The following PCSK5 variants were observed in gnomAD, a reference collection of about 807,000 sequenced individuals.
PCSK5 encodes the protein proprotein convertase subtilisin/kexin type 5.
A neutral mutation model predicts 233.2 loss-of-function variants in PCSK5; 129 were observed. The ratio of observed to expected loss-of-function variants is 0.55; its 90% confidence interval spans 0.48 to 0.64. The LOEUF (loss-of-function observed/expected upper bound fraction) is 0.64, where lower values mean the gene tolerates loss of function less well. PCSK5 is among the 30% of genes least tolerant of loss of function. The pLI, the probability that PCSK5 is intolerant of heterozygous loss-of-function variation, is 0.00. For synonymous variants in PCSK5, 825 were observed against 879.2 expected (o/e 0.94, Z 1.09); for missense variants, 2,076 against 2,430.1 (o/e 0.85, Z 3.06).
intron 6 of PCSK5, among the ~76,000 whole-genome samples, chr9:76,068,449 T>G (rs1191383835): frequency 6.6e-6 from 1 of 152,166 alleles, no homozygotes; most frequent in African/African-American, 2.4e-5. Context: ...CCTGGTTTTT[T>G]GTTTTTGTTT....
intron 5 of PCSK5, among the ~76,000 whole-genome samples, chr9:76,042,553 G>A (rs116712167): frequency 0.014 from 2,157 of 152,294 alleles, 54 homozygotes; most frequent in African/African-American, 0.049. Context: ...TACTAGGGGG[G>A]GCTGAGGTGG....
At position 76,180,104 on chromosome 9, in the gene PCSK5, T is replaced by TAC. The variant is rs1554701032; in HGVS notation, c.2003+418_2003+419dup. On this transcript the variant is annotated intron_variant, in intron 15 of 37. Transcript: ENST00000674117. ...GTGTGTGTGTATATATATATATATATACACACACACACATATACATACGTA... is the reference window on the plus strand; with the variant it reads ...GTGTGTGTGTATATATATATATATATACACACACACACACATATACATACGTA... Among the ~76,000 whole-genome samples the TAC allele has an allele frequency of 0.014, 2,024 of 144,892 alleles. 186 individuals are homozygous for TAC. The East Asian group carries it at 0.23, about 17-fold the overall frequency.
At chr9:76,103,249 C>T (rs62558855) in intron 8 of PCSK5, among the ~76,000 whole-genome samples, 5,374 of 152,244 alleles carry the variant, frequency 0.035, 152 homozygotes, top group Non-Finnish European at 0.056. Flanking sequence ...GCTTTCTTGG[C>T]ACAATTCTAG....
chr9:75,961,166 G>T (rs934097246), intron 2 of PCSK5, among the ~76,000 whole-genome samples: 1 of 152,168 alleles, frequency 6.6e-6, no homozygotes, highest in South Asian at 2.1e-4. Context: ...TGAAGTCCAG[G>T]TCACTGCATC....
rs747144896 is a variant in PCSK5, at chr9:76,096,178, C to CAT, written c.1107+88_1107+89dup. On this transcript the variant is annotated intron_variant, in intron 8 of 37. Coordinates refer to ENST00000674117, the MANE Select transcript of PCSK5 (RefSeq NM_001372043.1). ...TGAAATACAAAGGGAGAACCATAAA[C>CAT]ATATATATATATACACACACACACA... 4.1e-3 allele frequency: 2,892 copies of CAT among 699,958 alleles called. 27 individuals carry two copies. Among genetic ancestry groups the CAT allele is most frequent in the African/African-American group, 0.037 (1,951 of 52,528 alleles). The allele number at this position is 699,958 out of a possible 1,614,324, so 43.4% of individuals were successfully genotyped here.
intron 24 of PCSK5, among the ~76,000 whole-genome samples, chr9:76,274,257 T>A (rs1216516969): frequency 6.6e-6 from 1 of 152,152 alleles, no homozygotes; most frequent in African/African-American, 2.4e-5. Flanking sequence ...AATTTTTATG[T>A]CTATCACTTA....
intron 37 of PCSK5, among the ~76,000 whole-genome samples, chr9:76,355,615 T>C (rs1830281269): frequency 6.6e-6 from 1 of 152,274 alleles, no homozygotes; most frequent in African/African-American, 2.4e-5. Context: ...GGTCTATTTG[T>C]AAGTAAAGAA....
At chr9:76,281,299 C>T (rs1827855187) in intron 24 of PCSK5, among the ~76,000 whole-genome samples, 1 of 152,218 alleles carries the variant, frequency 6.6e-6, no homozygotes, top group Non-Finnish European at 1.5e-5. Context: ...CAGGCTGACT[C>T]TCTTATTAGG....
At chr9:76,169,913 T>C (rs971280393) in intron 13 of PCSK5, 73 bp downstream of exon 13, 1 of 1,232,114 alleles carries the variant, frequency 8.1e-7, no homozygotes, top group Non-Finnish European at 1.2e-6. Context: ...GCCAGAGTGT[T>C]TCACACTCAC....
chr9:76,179,245 T>C (rs1206635280), intron 14 of PCSK5, among the ~76,000 whole-genome samples: 11 of 152,210 alleles, frequency 7.2e-5, no homozygotes, highest in Non-Finnish European at 1.5e-4. Flanking sequence ...ATCCAATCTT[T>C]TTACTATTAC....
In PCSK5 at chr9:76,323,253, G is replaced by A; in HGVS notation, c.4304G>A (p.Gly1435Glu). ...DGLCLEECPA[G>E]TYYEKETKEC... ...CTGTGCTTGGAGGAGTGTCCAGCAG[G>A]AACCTATTATGAAAAGGAGACTAAG... The change falls in exon 32 of 38, where the codon GGA (glycine) becomes GAA (glutamate). Residue 1435 changes from glycine to glutamate, a missense_variant. Transcript: ENST00000674117. 1 of 1,611,550 alleles carries A rather than the reference G, an allele frequency of 6.2e-7. No individual in the cohort carries two copies. The highest frequency in any genetic ancestry group is 2.2e-5 in the East Asian group (1 of 44,886).
chr9:76,036,250 G>A (rs1266157079), intron 5 of PCSK5, among the ~76,000 whole-genome samples: 1 of 152,130 alleles, frequency 6.6e-6, no homozygotes, highest in African/African-American at 2.4e-5. Context: ...AAGTATTTGT[G>A]TATGTGTATT....
At position 75,920,344 on chromosome 9, in the gene PCSK5, G is replaced by T. The variant is rs564427475; in HGVS notation, c.193-12035G>T. On this transcript the variant is annotated intron_variant, in intron 1 of 37. Transcript: ENST00000674117. ...GGGTCTCTATCACCCAGGCTGGAGT[G>T]CTGTGGTGATCAGAGCTCAATGCAG... 2.0e-4 allele frequency among the ~76,000 whole-genome samples: 30 copies of T among 152,216 alleles called. No individual in the cohort carries two copies. In the South Asian group the frequency reaches 5.2e-3, roughly 26 times the overall value.
intron 2 of PCSK5, among the ~76,000 whole-genome samples, chr9:75,952,173 CT>C (rs1462785929): frequency 5.3e-5 from 8 of 152,166 alleles, no homozygotes; most frequent in African/African-American, 1.7e-4. Flanking sequence ...CCACTTCCCC[CT>C]AAATACTTCA....
intron 7 of PCSK5, among the ~76,000 whole-genome samples, chr9:76,076,034 G>A (rs940523508): frequency 8.5e-5 from 13 of 152,214 alleles, no homozygotes; most frequent in African/African-American, 3.1e-4. Flanking sequence ...CTGAGGGAAA[G>A]CACAGCTGCC....
In PCSK5 at chr9:76,038,166, T is replaced by C. The variant is rs1828941901; in HGVS notation, c.632+11129T>C. 5.3e-5 allele frequency among the ~76,000 whole-genome samples: 8 copies of C among 152,136 alleles called. No individual in the cohort carries two copies. In the South Asian group the frequency reaches 1.7e-3, roughly 31 times the overall value. On this transcript the variant is annotated intron_variant, in intron 5 of 37. Transcript: ENST00000674117. ...TCTCAAAGGATCACACCCCCTCCCA[T>C]GCCTGTCCCAATTACCATATATAGA...
intron 30 of PCSK5, among the ~76,000 whole-genome samples, chr9:76,311,723 C>T (rs1564172609): frequency 6.6e-6 from 1 of 152,158 alleles, no homozygotes; most frequent in Non-Finnish European, 1.5e-5. Flanking sequence ...AACAAAAATG[C>T]TGCAAGTCCA....
chr9:76,311,587 C>T (rs1430582693), intron 30 of PCSK5, among the ~76,000 whole-genome samples: 1 of 152,080 alleles, frequency 6.6e-6, no homozygotes, highest in Non-Finnish European at 1.5e-5. Context: ...AGTCCCACCT[C>T]CAGAATTTAC....
chr9:76,120,306 T>G (rs1832583924), intron 9 of PCSK5, among the ~76,000 whole-genome samples: 2 of 152,128 alleles, frequency 1.3e-5, no homozygotes, highest in Non-Finnish European at 2.9e-5. Flanking sequence ...CTTCATATTT[T>G]AAACATTTTC....
Sources: allele counts gnomAD v4.1 joint callset (sites outside exome capture counted in the v4.1 genomes callset), GRCh38; gene constraint gnomAD v4.1.1; transcripts MANE v1.5; gene names NCBI Gene and HGNC (gene_info 2026-07-23, HGNC 2026-07-21).